Variants in KCNIP4 observed in about 807,000 individuals in gnomAD.
KCNIP4 encodes Kv channel-interacting protein 4.
In KCNIP4, 12 loss-of-function variants were observed where a neutral mutation model predicts 34.0. The ratio of observed to expected loss-of-function variants is 0.35; its 90% CI spans 0.23 to 0.57. The LOEUF is 0.57. Ranked by LOEUF, KCNIP4 falls within the 20% of genes least tolerant of loss-of-function variation. KCNIP4 has a pLI of 0.83. For missense variants in KCNIP4, 238 were observed against 311.7 expected, an observed-to-expected ratio of 0.76 and a Z score of 1.78; for synonymous variants, 124 against 102.2, an observed-to-expected ratio of 1.21 and a Z score of -1.29.
intron 1 of KCNIP4, among the ~76,000 whole-genome samples, chr4:20,984,645 G>A (rs1461322726): frequency 6.6e-6 from 1 of 152,188 alleles, no homozygotes; most frequent in Non-Finnish European, 1.5e-5. Context: ...CCTTGTTCTG[G>A]TCTCCGCTGT....
At chr4:21,682,025 A>T (rs1750400974) in intron 1 of KCNIP4, among the ~76,000 whole-genome samples, 1 of 151,718 alleles carries the variant, frequency 6.6e-6, no homozygotes, top group Non-Finnish European at 1.5e-5. Flanking sequence ...AGTGTCTGGG[A>T]TTATAGGCAT....
At chr4:21,842,518 C>T (rs373199588) in intron 1 of KCNIP4, among the ~76,000 whole-genome samples, 73 of 152,152 alleles carry the variant, frequency 4.8e-4, no homozygotes, top group African/African-American at 1.8e-3. Flanking sequence ...TGTACAAGTA[C>T]TTTGACACTA....
intron 1 of KCNIP4, among the ~76,000 whole-genome samples, chr4:21,571,473 C>T (rs980502894): frequency 6.6e-6 from 1 of 152,178 alleles, no homozygotes; most frequent in East Asian, 1.9e-4. Context: ...AAGAGTTTGG[C>T]TCCTTATCTT....
At chr4:21,677,060 G>C (rs1251816673) in intron 1 of KCNIP4, among the ~76,000 whole-genome samples, 1 of 149,974 alleles carries the variant, frequency 6.7e-6, no homozygotes, top group Non-Finnish European at 1.5e-5. Context: ...TAAGATCAGA[G>C]ATATAGATTA....
chr4:21,042,463 T>C (rs574027567), intron 1 of KCNIP4, among the ~76,000 whole-genome samples: 70 of 152,288 alleles, frequency 4.6e-4, no homozygotes, highest in African/African-American at 1.7e-3. Flanking sequence ...ATCTCTTGCA[T>C]ATGGAATCTA....
intron 1 of KCNIP4, among the ~76,000 whole-genome samples, chr4:21,614,756 C>T (rs760989146): frequency 6.6e-5 from 10 of 151,854 alleles, no homozygotes; most frequent in Non-Finnish European, 1.0e-4. Flanking sequence ...CTTACAGACA[C>T]GCATTTTAAA....
intron 1 of KCNIP4, among the ~76,000 whole-genome samples, chr4:21,333,051 A>G (rs1452279841): frequency 6.6e-6 from 1 of 151,858 alleles, no homozygotes; most frequent in Non-Finnish European, 1.5e-5. Context: ...TCCTTTCATT[A>G]TTGGTTCTTT....
intron 1 of KCNIP4, among the ~76,000 whole-genome samples, chr4:20,914,455 T>A (rs2149575107): frequency 6.6e-6 from 1 of 152,246 alleles, no homozygotes; most frequent in East Asian, 1.9e-4. Flanking sequence ...AAAATGGCCC[T>A]CACCAGACAC....
chr4:21,318,062 C>T (rs1713972915), intron 1 of KCNIP4, among the ~76,000 whole-genome samples: 2 of 152,288 alleles, frequency 1.3e-5, no homozygotes, highest in African/African-American at 4.8e-5. Flanking sequence ...TCCTGCCCTG[C>T]CTGCTCTAGC....
intron 3 of KCNIP4, among the ~76,000 whole-genome samples, chr4:20,776,758 C>T (rs1019236655): frequency 2.0e-5 from 3 of 152,108 alleles, no homozygotes; most frequent in African/African-American, 7.2e-5. Context: ...GTCAGCTTAA[C>T]AAATCTAGCT....
In KCNIP4 at chr4:20,805,186, C is replaced by CTTTT. The variant is rs10552321; in HGVS notation, c.288+45353_288+45356dup. ...AAGCAGAAAATATCATAGATGCTTC[C>CTTTT]TTTTTTTTTTTTTTTTTTTTTTTTT... is the stretch of plus-strand genomic sequence containing the variant. On this transcript the variant is annotated intron_variant, in intron 3 of 8. Coordinates refer to ENST00000382152, the MANE Select transcript of KCNIP4 (RefSeq NM_025221.6). 2.1e-3 allele frequency among the ~76,000 whole-genome samples: 196 copies of CTTTT among 92,080 alleles called. 5 individuals are homozygous for CTTTT. The East Asian group carries it at 0.023, about 11-fold the overall frequency. The allele number at this position is 92,080 out of a possible 152,430, so 60.4% of individuals were successfully genotyped here. A position where few individuals can be genotyped will look rare whatever the true frequency, so the allele number is the denominator to read the frequency against.
At chr4:20,969,168 G>A (rs1328551058) in intron 1 of KCNIP4, among the ~76,000 whole-genome samples, 1 of 152,124 alleles carries the variant, frequency 6.6e-6, no homozygotes. Flanking sequence ...CTTAGTACCA[G>A]ACTTGATGGT....
chr4:20,853,589 T>G lies in KCNIP4; in HGVS notation c.164-2922A>C, dbSNP rs553510135. Among the ~76,000 whole-genome samples, 3 of 150,614 alleles carry G rather than the reference T, an allele frequency of 2.0e-5. No homozygotes were observed. The East Asian group carries it at 5.9e-4, about 30-fold the overall frequency. ...TTTTAGACACTGGCTTAGGCAAGGA[T>G]CTCATGACCAAGAACCCAAAAGCAA... is the stretch of plus-strand genomic sequence containing the variant. On this transcript the variant is annotated intron_variant, in intron 2 of 8. Coordinates refer to ENST00000382152, the MANE Select transcript of KCNIP4 (RefSeq NM_025221.6).
intron 1 of KCNIP4, among the ~76,000 whole-genome samples, chr4:21,188,446 G>A (rs1560793247): frequency 6.6e-6 from 1 of 152,138 alleles, no homozygotes; most frequent in Non-Finnish European, 1.5e-5. Flanking sequence ...CAACTGGCAT[G>A]AAAAATGCTA....
intron 1 of KCNIP4, among the ~76,000 whole-genome samples, chr4:21,496,050 AAATG>A (rs1732824130): frequency 6.6e-6 from 1 of 152,230 alleles, no homozygotes; most frequent in Non-Finnish European, 1.5e-5. Context: ...ATTCTGAGAT[AAATG>A]AATGTTTTAG....
At chr4:21,808,057 A>G (rs116777841) in intron 1 of KCNIP4, among the ~76,000 whole-genome samples, 12 of 152,336 alleles carry the variant, frequency 7.9e-5, no homozygotes, top group African/African-American at 2.6e-4. Flanking sequence ...AATTACAAAG[A>G]AAATTATTTC....
intron 3 of KCNIP4, among the ~76,000 whole-genome samples, chr4:20,809,471 G>A (rs149520309): frequency 0.01 from 1,576 of 152,146 alleles, 33 homozygotes; most frequent in African/African-American, 0.036. Flanking sequence ...GGAGAATGTC[G>A]CATTCAGGAG....
intron 1 of KCNIP4, among the ~76,000 whole-genome samples, chr4:21,151,923 C>T (rs750464342): frequency 5.9e-5 from 9 of 152,128 alleles, no homozygotes; most frequent in Non-Finnish European, 7.4e-5. Flanking sequence ...ACAGCCTGCA[C>T]AATACTGTAA....
intron 1 of KCNIP4, among the ~76,000 whole-genome samples, chr4:21,358,465 A>G (rs1416216721): frequency 1.3e-5 from 2 of 152,168 alleles, no homozygotes; most frequent in African/African-American, 4.8e-5. Flanking sequence ...TATTTGGTCT[A>G]CTTGACTCAG....
Sources: gnomAD v4.1 joint callset for allele counts (sites outside exome capture counted in the v4.1 genomes callset) on GRCh38, gnomAD v4.1.1 for gene constraint, MANE v1.5 for transcripts, NCBI Gene and HGNC (gene_info 2026-07-23, HGNC 2026-07-21) for gene names.